MYO3A: variants seen among roughly 807,000 people sequenced by gnomAD.
MYO3A encodes the protein myosin IIIA.
A neutral mutation model predicts 192.7 loss-of-function variants in MYO3A; 180 were observed. The observed-to-expected ratio is 0.93, with a 90% CI of 0.83 to 1.06. MYO3A has a LOEUF of 1.06. MYO3A is among the 50% of genes least tolerant of loss of function. The pLI, the probability that MYO3A is intolerant of heterozygous loss-of-function variation, is 0.00. For synonymous variants in MYO3A, 628 were observed against 645.3 expected (o/e 0.97, Z 0.41); for missense variants, 1,896 against 1,905.0 (o/e 1.00, Z 0.09).
At chr10:26,123,345 G>A (rs2131718680) in intron 18 of MYO3A, among the ~76,000 whole-genome samples, 1 of 152,026 alleles carries the variant, frequency 6.6e-6, no homozygotes, top group East Asian at 1.9e-4. Flanking sequence ...GCTATGAAGA[G>A]GCTCATATAA....
At position 26,049,650 on chromosome 10, in the gene MYO3A, ATTCT is replaced by A. The variant is rs751350009; in HGVS notation, c.954-17302_954-17299del. 3.9e-3 allele frequency among the ~76,000 whole-genome samples: 458 copies of A among 116,240 alleles called. 11 individuals carry two copies. Among genetic ancestry groups the A allele is most frequent in the South Asian group, 0.029 (85 of 2,928 alleles). 76.3% of individuals were successfully genotyped at this position (116,240 alleles called of 152,430 possible). ...GGAGGCAGAGTGATGCAAAGATGAA[ATTCT>A]TTCTTTCTTTCTTTCTTTCTTTTTT... On this transcript the variant is annotated intron_variant, in intron 10 of 34. Transcript: ENST00000642920.
rs377306369 is a variant in MYO3A at position 26,174,564 on chromosome 10, G to A, written c.4293+7G>A. ...GGCAATTTTTTCAAAACAGGTATGT[G>A]AATAAATAAATTTATTTACTAATAA... On this transcript the variant is annotated splice_region_variant and intron_variant, in intron 30 of 34. Transcript: ENST00000642920. The A allele has an allele frequency of 1.2e-6, 2 of 1,606,120 alleles. No homozygotes were observed. Among genetic ancestry groups the A allele is most frequent in the Non-Finnish European group, 1.7e-6 (2 of 1,173,792 alleles).
intron 30 of MYO3A, among the ~76,000 whole-genome samples, chr10:26,175,755 C>G (rs1842294264): frequency 6.6e-6 from 1 of 152,186 alleles, no homozygotes; most frequent in South Asian, 2.1e-4. Context: ...GATTAGAACT[C>G]AGACCTGCTA....
chr10:26,017,954 C>G (rs1336143313), intron 7 of MYO3A, among the ~76,000 whole-genome samples: 11 of 149,756 alleles, frequency 7.3e-5, no homozygotes, highest in Non-Finnish European at 1.6e-4. Flanking sequence ...AGTTATAATA[C>G]CAAATATTGC....
chr10:26,110,601 G>A (rs892220653), intron 17 of MYO3A, among the ~76,000 whole-genome samples: 2 of 152,112 alleles, frequency 1.3e-5, no homozygotes, highest in Non-Finnish European at 2.9e-5. Context: ...TCTGAGAGTT[G>A]AAAGAAAATG....
intron 20 of MYO3A, among the ~76,000 whole-genome samples, chr10:26,137,328 G>T (rs1054415491): frequency 1.9e-4 from 29 of 152,198 alleles, no homozygotes; most frequent in Non-Finnish European, 2.8e-4. Flanking sequence ...ACAAGCTGGA[G>T]CTGCGGCAGA....
rs1239496761 is a variant in MYO3A, at chr10:26,154,748, C to T, written c.2718C>T (p.Gly906=). The T allele has an allele frequency of 6.2e-6, 10 of 1,613,192 alleles. No individual in the cohort carries two copies. The highest frequency in any genetic ancestry group is 3.3e-5 in the South Asian group (3 of 91,030). Residue 906 remains glycine, a splice_region_variant and synonymous_variant, in exon 25 of 35, where the codon GGC becomes GGT. Transcript: ENST00000642920. ...TSEKLINLAK[G]DTGEATRHAR... ...ACTGTCTTCCTTGGTCTCCTTAGGGCGACACTGGAGAAGCCACACGTCATG... is the reference window on the plus strand; with the variant it reads ...ACTGTCTTCCTTGGTCTCCTTAGGGTGACACTGGAGAAGCCACACGTCATG...
intron 17 of MYO3A, among the ~76,000 whole-genome samples, chr10:26,101,147 G>T (rs1349955211): frequency 6.6e-6 from 1 of 152,180 alleles, no homozygotes; most frequent in Non-Finnish European, 1.5e-5. Context: ...TTACCATTAT[G>T]TAATGGCCTT....
At chr10:26,097,993 C>T (rs1564545887) in intron 17 of MYO3A, among the ~76,000 whole-genome samples, 1 of 152,216 alleles carries the variant, frequency 6.6e-6, no homozygotes, top group African/African-American at 2.4e-5. Flanking sequence ...AATCACCACA[C>T]TGTTTTCCAC....
At chr10:25,971,021 A>G (rs1447262603) in intron 4 of MYO3A, among the ~76,000 whole-genome samples, 1 of 152,134 alleles carries the variant, frequency 6.6e-6, no homozygotes, top group Non-Finnish European at 1.5e-5. Flanking sequence ...ATATAGAAAT[A>G]TTATTGCTCT....
intron 14 of MYO3A, among the ~76,000 whole-genome samples, chr10:26,080,722 G>A (rs1326193672): frequency 6.6e-6 from 1 of 152,032 alleles, no homozygotes; most frequent in Non-Finnish European, 1.5e-5. Context: ...CTGTTATTCA[G>A]ATTCTTTTGT....
At chr10:26,010,450 G>GCTTTTTTTTT (rs1841560397) in intron 6 of MYO3A, among the ~76,000 whole-genome samples, 1 of 111,230 alleles carries the variant, frequency 9.0e-6, no homozygotes, top group African/African-American at 3.5e-5. Context: ...CTAAGTAGTT[G>GCTTTTTTTTT]TTTTTTTTTT....
chr10:26,081,903 A>G (rs1835982567), intron 14 of MYO3A, among the ~76,000 whole-genome samples: 1 of 135,572 alleles, frequency 7.4e-6, no homozygotes, highest in African/African-American at 2.6e-5. Context: ...CAGTTGGGAC[A>G]CTCACAGTAT....
chr10:25,985,895 A>C (rs903006866), intron 4 of MYO3A, among the ~76,000 whole-genome samples: 1 of 152,160 alleles, frequency 6.6e-6, no homozygotes, highest in Non-Finnish European at 1.5e-5. Flanking sequence ...TAACAAAAAA[A>C]GGAAACTGCA....
chr10:25,937,736 TGGA>T (rs1247234769), intron 2 of MYO3A, among the ~76,000 whole-genome samples: 1 of 152,214 alleles, frequency 6.6e-6, no homozygotes, highest in Non-Finnish European at 1.5e-5. Flanking sequence ...AAATGAATGG[TGGA>T]GAACGGAATA....
rs1022625789 is a variant in MYO3A at position 25,981,180 on chromosome 10, A to G, written c.304-15310A>G. Among the ~76,000 whole-genome samples the G allele has an allele frequency of 2.6e-5, 4 of 152,188 alleles. No homozygotes were observed. In the East Asian group the frequency reaches 5.8e-4, roughly 22 times the overall value. On this transcript the variant is annotated intron_variant, in intron 4 of 34. Transcript: ENST00000642920. ...TTCTTGGTGTTTGCAACTAGATTTTAAACACAATTCAGGGTTGTATCTCCT... is the reference window on the plus strand; with the variant it reads ...TTCTTGGTGTTTGCAACTAGATTTTGAACACAATTCAGGGTTGTATCTCCT...
chr10:25,952,285 C>A lies in MYO3A; in HGVS notation c.168+7C>A. ...AATTCTTGATCCAATTCACGTAAGT[C>A]ATATTTTTTCCTTCTAATTAGCTTT... On this transcript the variant is annotated splice_region_variant and intron_variant, in intron 3 of 34. Transcript: ENST00000642920. The A allele has an allele frequency of 6.2e-7, 1 of 1,610,814 alleles. No individual in the cohort carries two copies. Among genetic ancestry groups the A allele is most frequent in the South Asian group, 1.1e-5 (1 of 90,792 alleles).
chr10:26,178,953 C>T (rs186476995), intron 31 of MYO3A, among the ~76,000 whole-genome samples: 129 of 151,976 alleles, frequency 8.5e-4, no homozygotes, highest in Non-Finnish European at 1.5e-3. Flanking sequence ...AGGCGCCAGC[C>T]ACCACGCCGG....
Position 26,174,135 on chromosome 10 carries a change from C to G in MYO3A, c.3871C>G (p.Gln1291Glu). 1 of 1,614,086 alleles carries G rather than the reference C, an allele frequency of 6.2e-7. No homozygotes were observed. Among genetic ancestry groups the G allele is most frequent in the Non-Finnish European group, 8.5e-7 (1 of 1,180,030 alleles). ...AAAAACTTTGGAACCTACACTTAGC[C>G]AAAGGTCAATTTATCAAAATGCAAA... is the stretch of plus-strand genomic sequence containing the variant. ...FKKTLEPTLS[Q>E]RSIYQNANSM... The change falls in exon 30 of 35, where the codon CAA (glutamine) becomes GAA (glutamate). Residue 1291 changes from glutamine (Q) to glutamate (E), a missense_variant. By Grantham distance (29) the Gln-to-Glu change is conservative. Transcript: ENST00000642920.
Sources: gnomAD v4.1 joint callset for allele counts (sites outside exome capture counted in the v4.1 genomes callset) on GRCh38, gnomAD v4.1.1 for gene constraint, MANE v1.5 for transcripts, NCBI Gene and HGNC (gene_info 2026-07-23, HGNC 2026-07-21) for gene names.